The following PLBD2 variants were observed in gnomAD, a reference collection of about 807,000 sequenced individuals.
PLBD2 encodes putative aminopeptidase PLBD2.
In PLBD2, 51 loss-of-function variants were observed where a neutral mutation model predicts 68.3. That is an observed-to-expected ratio of 0.75 (90% CI 0.60 to 0.94). The LOEUF is 0.94. Among genes scored for constraint, PLBD2 ranks in the 40% least tolerant of loss-of-function variants. The probability of loss-of-function intolerance (pLI) is 0.00; values close to 1 mark genes in which losing one functional copy is unlikely to be tolerated. For synonymous variants in PLBD2, 314 were observed against 339.3 expected, an observed-to-expected ratio of 0.93 and a Z score of 0.82; for missense variants, 729 against 792.2, an observed-to-expected ratio of 0.92 and a Z score of 0.96.
intron 1 of PLBD2, 69 bp from the exon 2 acceptor site, chr12:113,369,047 G>A: frequency 1.9e-6 from 2 of 1,051,484 alleles, no homozygotes; most frequent in Middle Eastern, 2.0e-4. Flanking sequence ...CATAGTTTAA[G>A]CCTGGAGATG....
chr12:113,382,833 TTTTG>T (rs1233408212), intron 6 of PLBD2, among the ~76,000 whole-genome samples: 54 of 130,762 alleles, frequency 4.1e-4, no homozygotes, highest in African/African-American at 7.3e-4. Flanking sequence ...GGTGGTGGTT[TTTTG>T]TGTGTGTGTG....
chr12:113,386,870 C>G (rs1428036384), intron 9 of PLBD2, 67 bp from the exon 10 acceptor site: 16 of 1,572,576 alleles, frequency 1.0e-5, no homozygotes, highest in African/African-American at 1.4e-5. Flanking sequence ...CCCCTCCCCT[C>G]CCTGGCCACA....
In PLBD2 at chr12:113,361,913, A is replaced by G. The variant is rs1957299942; in HGVS notation, c.290+3023A>G. On this transcript the variant is annotated intron_variant, in intron 1 of 11. Transcript: ENST00000280800. Reference sequence around the variant, plus strand: ...TTGAGAGAGGAAGTGAATCAAAGTTAGAGGGAATTAACAAATTTAGTAAAC... The same window carrying G: ...TTGAGAGAGGAAGTGAATCAAAGTTGGAGGGAATTAACAAATTTAGTAAAC... Among the ~76,000 whole-genome samples, 3 of 152,222 alleles carry G rather than the reference A, an allele frequency of 2.0e-5. 1 individual carries two copies. In the South Asian group the frequency reaches 6.2e-4, roughly 32 times the overall value.
rs1957532368 is a variant in PLBD2 at position 113,384,733 on chromosome 12, G to T, written c.1119-118G>T. ...GCAGCGTCAGGGTGTCAGTTGAATG[G>T]CTGGACAACCCCAGGCCCACTTCCT... On this transcript the variant is annotated intron_variant, in intron 7 of 11. Transcript: ENST00000280800. This position sits in a 1 kb window ranked among gnomAD's most constrained non-coding sequence, Gnocchi z 4.2. 3 of 763,398 alleles carry T rather than the reference G, an allele frequency of 3.9e-6. No homozygotes were observed. The East Asian group carries it at 8.1e-5, about 21-fold the overall frequency. 47.3% of individuals were successfully genotyped at this position (763,398 alleles called of 1,614,324 possible).
chr12:113,382,126 T>C (rs1157560581), intron 6 of PLBD2, among the ~76,000 whole-genome samples: 2 of 152,208 alleles, frequency 1.3e-5, no homozygotes, highest in Non-Finnish European at 2.9e-5. Flanking sequence ...CCTGGCAAAT[T>C]AGTGTTTTTA....
chr12:113,388,333 ACT>A, intron 11 of PLBD2, 124 bp from the exon 12 acceptor site: 1 of 913,910 alleles, frequency 1.1e-6, no homozygotes, highest in Non-Finnish European at 1.6e-6. Flanking sequence ...CAGAGCAGAG[ACT>A]CAAAAAAAAA....
chr12:113,358,590 A>C lies in PLBD2; in HGVS notation c.-11A>C. On this transcript the variant is annotated 5_prime_UTR_variant, in exon 1 of 12. Coordinates refer to ENST00000280800, the MANE Select transcript of PLBD2 (RefSeq NM_173542.4). ...CGTGACCCGGGCTGCGGGGCGCAGC[A>C]TTGTGCGGTCATGGTGGGCCAGATG... 1 of 1,467,188 alleles carries C rather than the reference A, an allele frequency of 6.8e-7. No individual in the cohort carries two copies. 90.9% of individuals were successfully genotyped at this position (1,467,188 alleles called of 1,614,324 possible).
Position 113,379,678 on chromosome 12 carries a change from G to C in PLBD2, c.860-1067G>C, listed in dbSNP as rs375332587. Among the ~76,000 whole-genome samples, 7 of 152,074 alleles carry C rather than the reference G, an allele frequency of 4.6e-5. No homozygotes were observed. In the East Asian group the frequency reaches 7.7e-4, roughly 17 times the overall value. ...AGGGCAGGGGTGAGGGTACCTGCCG[G>C]GGGTGGGCCTGTAATCCCAGCTACT... On this transcript the variant is annotated intron_variant, in intron 5 of 11. Transcript: ENST00000280800.
At chr12:113,365,503 G>A (rs1249948109) in intron 1 of PLBD2, among the ~76,000 whole-genome samples, 1 of 151,840 alleles carries the variant, frequency 6.6e-6, no homozygotes, top group African/African-American at 2.4e-5. Context: ...TAGTAGAGAC[G>A]AGGTTTCACC....
chr12:113,386,818 C>G, intron 9 of PLBD2, 119 bp from the exon 10 acceptor site: 1 of 1,233,896 alleles, frequency 8.1e-7, no homozygotes, highest in South Asian at 1.5e-5. Flanking sequence ...TGCACCCAGC[C>G]TGAATGTCGT....
intron 9 of PLBD2, among the ~76,000 whole-genome samples, chr12:113,385,932 G>A (rs1957547331): frequency 6.6e-6 from 1 of 151,916 alleles, no homozygotes; most frequent in African/African-American, 2.4e-5. Flanking sequence ...TCTATTTTCA[G>A]TAGAGACAGG....
intron 3 of PLBD2, among the ~76,000 whole-genome samples, chr12:113,373,437 A>G (rs552027297): frequency 1.3e-5 from 2 of 152,344 alleles, no homozygotes; most frequent in Admixed American, 6.5e-5. Context: ...AGCCTAGGCC[A>G]GGTTTGCACC....
chr12:113,384,302 C>A lies in PLBD2; in HGVS notation c.1118+37C>A. The A allele has an allele frequency of 6.3e-7, 1 of 1,579,624 alleles. No homozygotes were observed. The highest frequency in any genetic ancestry group is 1.2e-5 in the South Asian group (1 of 85,918). ...TCTGGCCCTGTGGCTTCCCCTGCACCAAGAGATAGACCAACCTCCCCTTTA... is the reference window on the plus strand; with the variant it reads ...TCTGGCCCTGTGGCTTCCCCTGCACAAAGAGATAGACCAACCTCCCCTTTA... On this transcript the variant is annotated intron_variant, in intron 7 of 11. Coordinates refer to ENST00000280800, the MANE Select transcript of PLBD2 (RefSeq NM_173542.4). The surrounding 1 kb of genome is among the most constrained non-coding windows in gnomAD (Gnocchi z 4.2).
At position 113,384,837 on chromosome 12, in the gene PLBD2, C is replaced by T; in HGVS notation, c.1119-14C>T. On this transcript the variant is annotated splice_polypyrimidine_tract_variant and intron_variant, in intron 7 of 11. Transcript: ENST00000280800. The surrounding 1 kb of genome is among the most constrained non-coding windows in gnomAD (Gnocchi z 4.2). ...TCCAGGCTCTGTTCAGTCCTCCCTT[C>T]CCCTGCCCGGCAGGTATAACAACCA... 6.2e-7 allele frequency: 1 copy of T among 1,611,858 alleles called. No homozygotes were observed. The highest frequency in any genetic ancestry group is 1.3e-5 in the African/African-American group (1 of 75,008).
chr12:113,372,823 AC>A lies in PLBD2; in HGVS notation c.543+17del, dbSNP rs764858869. 77 of 1,607,430 alleles carry A rather than the reference AC, an allele frequency of 4.8e-5. No individual in the cohort carries two copies. Among genetic ancestry groups the A allele is most frequent in the Non-Finnish European group, 5.8e-5 (68 of 1,176,828 alleles). ...CTGGCACCAGGTGAGTCCTGCTGCC[AC>A]GCTTGGTGGGAGGGGGCTTCCAGCT... On this transcript the variant is annotated intron_variant, in intron 3 of 11. Transcript: ENST00000280800. This position sits in a 1 kb window ranked among gnomAD's most constrained non-coding sequence, Gnocchi z 4.2.
rs1178224100 is a variant in PLBD2 at position 113,380,857 on chromosome 12, C to G, written c.957+15C>G. 6.5e-7 allele frequency: 1 copy of G among 1,547,268 alleles called. No individual in the cohort carries two copies. The highest frequency in any genetic ancestry group is 2.0e-5 in the Admixed American group (1 of 51,032). On this transcript the variant is annotated intron_variant, in intron 6 of 11. Coordinates refer to ENST00000280800, the MANE Select transcript of PLBD2 (RefSeq NM_173542.4). ...GCAGTGGGCTGGTGAGTCCCTTTCT[C>G]ATGTCTCCTCTGTTCCTGGGGTGTT... is the stretch of plus-strand genomic sequence containing the variant.
chr12:113,365,293 A>G (rs1365348867), intron 1 of PLBD2, among the ~76,000 whole-genome samples: 1 of 152,086 alleles, frequency 6.6e-6, no homozygotes, highest in Admixed American at 6.6e-5. Flanking sequence ...AAATGGGAAG[A>G]ATAAAACCCA....
At chr12:113,361,352 T>G (rs1218888395) in intron 1 of PLBD2, among the ~76,000 whole-genome samples, 2 of 147,622 alleles carry the variant, frequency 1.4e-5, no homozygotes, top group African/African-American at 5.0e-5. Context: ...TTTTTTTTTT[T>G]TTTTTGAGAC....
At position 113,380,453 on chromosome 12, in the gene PLBD2, C is replaced by T. The variant is rs189298700; in HGVS notation, c.860-292C>T. ...CCCAGCTGTGTTGTTTCTTTTTAAT[C>T]ATGTTTTTTTCCTAGTATTTTTGGT... is the stretch of plus-strand genomic sequence containing the variant. On this transcript the variant is annotated intron_variant, in intron 5 of 11. Transcript: ENST00000280800. Among the ~76,000 whole-genome samples the T allele has an allele frequency of 5.3e-5, 8 of 152,286 alleles. No homozygotes were observed. The East Asian group carries it at 1.5e-3, about 29-fold the overall frequency.
Sources: allele counts gnomAD v4.1 joint callset (sites outside exome capture counted in the v4.1 genomes callset), GRCh38; gene constraint gnomAD v4.1.1; non-coding constraint Gnocchi (gnomAD v3.1); transcripts MANE v1.5; gene names NCBI Gene and HGNC (gene_info 2026-07-23, HGNC 2026-07-21).